The following KCNH1 variants were observed in gnomAD, a reference collection of about 807,000 sequenced individuals.
KCNH1 encodes voltage-gated delayed rectifier potassium channel KCNH1.
In KCNH1, 27 loss-of-function variants were observed where a neutral mutation model predicts 69.2. The ratio of observed to expected loss-of-function variants is 0.39; its 90% CI spans 0.29 to 0.54. The LOEUF (loss-of-function observed/expected upper bound fraction) is 0.54. Among genes scored for constraint, KCNH1 ranks in the 20% least tolerant of loss-of-function variants. The pLI is 0.68. For synonymous variants in KCNH1, 456 were observed against 487.7 expected (o/e 0.93, Z 0.86); for missense variants, 798 against 1,261.6 (o/e 0.63, Z 5.57).
At chr1:210,750,581 G>T (rs1327475842) in intron 10 of KCNH1, among the ~76,000 whole-genome samples, 1 of 152,160 alleles carries the variant, frequency 6.6e-6, no homozygotes, top group Admixed American at 6.5e-5. Context: ...GTCACAGGAA[G>T]GAATCTTGGT....
intron 5 of KCNH1, among the ~76,000 whole-genome samples, chr1:211,071,760 T>C (rs557875819): frequency 1.3e-5 from 2 of 152,358 alleles, no homozygotes; most frequent in South Asian, 2.1e-4. Context: ...TTTCAAGTCA[T>C]TGTAAATCTC....
intron 10 of KCNH1, among the ~76,000 whole-genome samples, chr1:210,735,850 G>A (rs1378845073): frequency 6.6e-6 from 1 of 151,908 alleles, no homozygotes; most frequent in Non-Finnish European, 1.5e-5. Context: ...GAGCGCACAA[G>A]AGAGAGTACA....
intron 9 of KCNH1, among the ~76,000 whole-genome samples, chr1:210,783,695 C>T (rs1341470824): frequency 6.6e-6 from 1 of 152,204 alleles, no homozygotes. Flanking sequence ...ACGTATCACA[C>T]TAGGAGGAGG....
At chr1:210,783,361 T>C (rs1166204335) in intron 9 of KCNH1, among the ~76,000 whole-genome samples, 3 of 152,198 alleles carry the variant, frequency 2.0e-5, no homozygotes, top group Non-Finnish European at 4.4e-5. Flanking sequence ...AGACAAGATT[T>C]TGACCTTACC....
intron 10 of KCNH1, among the ~76,000 whole-genome samples, chr1:210,764,375 A>G (rs1683581800): frequency 6.6e-6 from 1 of 152,190 alleles, no homozygotes; most frequent in Non-Finnish European, 1.5e-5. Context: ...ATTGGGGTCT[A>G]ATTAAATGAA....
intron 6 of KCNH1, among the ~76,000 whole-genome samples, chr1:211,007,321 C>G (rs1689303330): frequency 6.6e-6 from 1 of 152,174 alleles, no homozygotes; most frequent in African/African-American, 2.4e-5. Flanking sequence ...TCTATCAGAG[C>G]CAGATCACAG....
chr1:210,974,397 C>A (rs537559796), intron 6 of KCNH1, among the ~76,000 whole-genome samples: 1 of 151,772 alleles, frequency 6.6e-6, no homozygotes, highest in Non-Finnish European at 1.5e-5. Context: ...GTGAATAATT[C>A]TTTTTACATG....
intron 10 of KCNH1, among the ~76,000 whole-genome samples, chr1:210,728,403 A>G (rs540819865): frequency 7.9e-5 from 12 of 152,258 alleles, no homozygotes; most frequent in Non-Finnish European, 1.2e-4. Context: ...ACACAGTAGG[A>G]CAGGTGATAA....
chr1:211,116,476 C>T (rs907245998), intron 1 of KCNH1, among the ~76,000 whole-genome samples: 1 of 152,154 alleles, frequency 6.6e-6, no homozygotes, highest in African/African-American at 2.4e-5. Context: ...TTTATGCAGG[C>T]AATACTTACC....
intron 7 of KCNH1, among the ~76,000 whole-genome samples, chr1:210,856,351 C>T (rs970285149): frequency 2.0e-5 from 3 of 152,172 alleles, no homozygotes; most frequent in Non-Finnish European, 2.9e-5. Context: ...TCAGTTGCTC[C>T]TTGCTCTTCA....
intron 3 of KCNH1, among the ~76,000 whole-genome samples, chr1:211,101,481 T>C (rs1299390713): frequency 6.6e-6 from 1 of 152,212 alleles, no homozygotes; most frequent in Admixed American, 6.5e-5. Flanking sequence ...ATGGCTCATG[T>C]TGTATGTACA....
At chr1:210,831,832 C>T (rs1685166192) in intron 7 of KCNH1, among the ~76,000 whole-genome samples, 1 of 152,130 alleles carries the variant, frequency 6.6e-6, no homozygotes, top group Non-Finnish European at 1.5e-5. Flanking sequence ...TCTTCAAGTA[C>T]TTAGAGTAAT....
intron 5 of KCNH1, among the ~76,000 whole-genome samples, chr1:211,037,227 G>C (rs915716298): frequency 6.6e-6 from 1 of 152,118 alleles, no homozygotes; most frequent in Non-Finnish European, 1.5e-5. Flanking sequence ...GTCATGCAAG[G>C]GGTGAGTAAG....
intron 2 of KCNH1, among the ~76,000 whole-genome samples, chr1:211,104,189 A>C (rs1243280362): frequency 1.3e-5 from 2 of 152,072 alleles, no homozygotes; most frequent in East Asian, 3.8e-4. Context: ...CATGGAGGAG[A>C]CCACGGCATT....
At chr1:210,710,218 T>C (rs1212833917) in intron 10 of KCNH1, among the ~76,000 whole-genome samples, 1 of 151,618 alleles carries the variant, frequency 6.6e-6, no homozygotes, top group African/African-American at 2.4e-5. Context: ...AAACACAATA[T>C]AAAAGATAAA....
At chr1:210,896,509 G>T (rs1257957005) in intron 7 of KCNH1, among the ~76,000 whole-genome samples, 1 of 152,148 alleles carries the variant, frequency 6.6e-6, no homozygotes, top group African/African-American at 2.4e-5. Context: ...TAGATAGACT[G>T]GCTGAGGAGA....
intron 10 of KCNH1, among the ~76,000 whole-genome samples, chr1:210,701,573 T>C (rs190316043): frequency 3.0e-3 from 464 of 152,290 alleles, no homozygotes; most frequent in African/African-American, 0.011. Context: ...GGACAAGCCT[T>C]CTTTTTGTTT....
intron 10 of KCNH1, among the ~76,000 whole-genome samples, chr1:210,694,792 A>G (rs1051856304): frequency 2.6e-5 from 4 of 152,204 alleles, no homozygotes; most frequent in Non-Finnish European, 5.9e-5. Flanking sequence ...TCATTACACA[A>G]GGAAACAGCT....
chr1:210,898,701 C>T (rs1477940722), intron 7 of KCNH1, among the ~76,000 whole-genome samples: 1 of 151,776 alleles, frequency 6.6e-6, no homozygotes, highest in Non-Finnish European at 1.5e-5. Flanking sequence ...TCCTGTCAAC[C>T]ACCTTTTACA....
Sources: gnomAD v4.1 joint callset for allele counts (sites outside exome capture counted in the v4.1 genomes callset) on GRCh38, gnomAD v4.1.1 for gene constraint, MANE v1.5 for transcripts, NCBI Gene and HGNC (gene_info 2026-07-23, HGNC 2026-07-21) for gene names.